Variants in ERLEC1 observed in about 807,000 individuals in gnomAD.
The protein encoded by ERLEC1 is ER lectin.
Under a neutral mutation model 68.0 loss-of-function variants are expected in ERLEC1, and 47 were observed. That is an observed-to-expected ratio of 0.69 (90% CI 0.55 to 0.88). The LOEUF (loss-of-function observed/expected upper bound fraction) is 0.88. Ranked by LOEUF, ERLEC1 falls within the 40% of genes least tolerant of loss-of-function variation. The pLI is 0.00. For synonymous variants in ERLEC1, 225 were observed against 203.2 expected (o/e 1.11, Z -0.91); for missense variants, 567 against 583.8 (o/e 0.97, Z 0.30).
Position 53,802,344 on chromosome 2 carries a change from G to T in ERLEC1, c.879+502G>T, listed in dbSNP as rs150477864. Among the ~76,000 whole-genome samples the T allele has an allele frequency of 9.7e-4, 147 of 152,060 alleles. 1 individual carries two copies. Among genetic ancestry groups the T allele is most frequent in the African/African-American group, 3.1e-3 (127 of 41,462 alleles). Reference sequence around the variant, plus strand: ...ACTGACCCTTTTCTTGCCTTCTCCTGTGTTCTACCCAATTGACCAATTAGA... The same window carrying T: ...ACTGACCCTTTTCTTGCCTTCTCCTTTGTTCTACCCAATTGACCAATTAGA... On this transcript the variant is annotated intron_variant, in intron 8 of 13. Coordinates refer to ENST00000185150, the MANE Select transcript of ERLEC1 (RefSeq NM_015701.5).
intron 2 of ERLEC1, among the ~76,000 whole-genome samples, chr2:53,795,694 T>A (rs1208166440): frequency 6.6e-6 from 1 of 152,192 alleles, no homozygotes; most frequent in Non-Finnish European, 1.5e-5. Flanking sequence ...AAAATACATT[T>A]TAAAAAAACC....
chr2:53,790,456 TTGTC>T (rs1360294543), intron 1 of ERLEC1, among the ~76,000 whole-genome samples: 2 of 152,128 alleles, frequency 1.3e-5, no homozygotes, highest in Non-Finnish European at 2.9e-5. Flanking sequence ...ATAAGGTCCT[TTGTC>T]TGTTTACTAA....
chr2:53,792,743 G>A (rs1051560645), intron 1 of ERLEC1, among the ~76,000 whole-genome samples: 1 of 152,152 alleles, frequency 6.6e-6, no homozygotes, highest in Non-Finnish European at 1.5e-5. Context: ...TTAGGCCAGG[G>A]CAGTGGCTCA....
chr2:53,800,806 GTATATT>G (rs1190911094), intron 6 of ERLEC1, among the ~76,000 whole-genome samples: 3 of 152,042 alleles, frequency 2.0e-5, no homozygotes, highest in African/African-American at 7.2e-5. Context: ...CTGGCCTTGA[GTATATT>G]TATATAGGAG....
intron 10 of ERLEC1, among the ~76,000 whole-genome samples, chr2:53,810,281 G>GCAA (rs902731975): frequency 6.6e-6 from 1 of 151,858 alleles, no homozygotes; most frequent in African/African-American, 2.4e-5. Flanking sequence ...AGCAGCCTGG[G>GCAA]CAACATAGCA....
intron 11 of ERLEC1, among the ~76,000 whole-genome samples, 160 bp from the exon 12 acceptor site, chr2:53,814,383 G>A (rs543031101): frequency 6.3e-4 from 96 of 152,198 alleles, no homozygotes; most frequent in Non-Finnish European, 4.4e-4. Context: ...GCCTCTGTGA[G>A]ATAACCCTAA....
Position 53,801,758 on chromosome 2 carries a change from A to G in ERLEC1, c.795A>G (p.Pro265=). The change falls in exon 8 of 14, where the codon CCA becomes CCG. Residue 265 remains proline, a synonymous_variant. Transcript: ENST00000185150. ...ATGACATATTTTGTCAATCACTGCC[A>G]GGATCTCCATTTAAGCCCCTCACCC... is the stretch of plus-strand genomic sequence containing the variant. ...PVNDIFCQSL[P]GSPFKPLTLR... 1 of 1,614,104 alleles carries G rather than the reference A, an allele frequency of 6.2e-7. No homozygotes were observed. The highest frequency in any genetic ancestry group is 8.5e-7 in the Non-Finnish European group (1 of 1,179,934).
intron 13 of ERLEC1, among the ~76,000 whole-genome samples, chr2:53,816,341 A>G (rs1180024994): frequency 6.9e-6 from 1 of 144,476 alleles, no homozygotes; most frequent in African/African-American, 2.6e-5. Context: ...ATCTCGGCTC[A>G]CTGCAACCTC....
chr2:53,811,317 TG>T (rs1267846277), intron 10 of ERLEC1, among the ~76,000 whole-genome samples: 1 of 152,268 alleles, frequency 6.6e-6, no homozygotes, highest in East Asian at 1.9e-4. Context: ...GGTATACTTT[TG>T]TAAGTATATT....
chr2:53,817,593 A>T (rs1676967291), intron 13 of ERLEC1, among the ~76,000 whole-genome samples: 1 of 151,914 alleles, frequency 6.6e-6, no homozygotes, highest in Admixed American at 6.6e-5. Context: ...ACACTTAATT[A>T]TTTTGCCATA....
At chr2:53,809,053 G>A (rs1251676380) in intron 9 of ERLEC1, among the ~76,000 whole-genome samples, 161 bp from the exon 10 acceptor site, 2 of 152,150 alleles carry the variant, frequency 1.3e-5, no homozygotes, top group Non-Finnish European at 2.9e-5. Context: ...CATATTCTCT[G>A]TATTTGTCTT....
chr2:53,805,906 G>T (rs944110967), intron 8 of ERLEC1, among the ~76,000 whole-genome samples: 2 of 152,150 alleles, frequency 1.3e-5, no homozygotes, highest in South Asian at 4.1e-4. Flanking sequence ...CAATGATGTT[G>T]ATACTTAGTA....
intron 11 of ERLEC1, 59 bp downstream of exon 11, chr2:53,813,132 T>A: frequency 6.4e-7 from 1 of 1,565,030 alleles, no homozygotes; most frequent in South Asian, 1.2e-5. Context: ...AAACTCAAAA[T>A]ATTGAAAAAC....
intron 8 of ERLEC1, among the ~76,000 whole-genome samples, chr2:53,805,664 A>G (rs1359696761): frequency 6.6e-6 from 1 of 152,250 alleles, no homozygotes. Flanking sequence ...GTATAGACCC[A>G]GCAGTGGGAT....
intron 11 of ERLEC1, among the ~76,000 whole-genome samples, chr2:53,813,500 C>G (rs998733654): frequency 1.3e-5 from 2 of 152,184 alleles, no homozygotes; most frequent in African/African-American, 4.8e-5. Context: ...GTGTTAGTAA[C>G]TGGCTCAATT....
In ERLEC1 at chr2:53,814,905, A is replaced by G; in HGVS notation, c.1350A>G (p.Leu450=). 5.0e-6 allele frequency: 8 copies of G among 1,606,174 alleles called. No individual in the cohort carries two copies. Among genetic ancestry groups the G allele is most frequent in the Non-Finnish European group, 6.8e-6 (8 of 1,174,770 alleles). ...DSPHAVTVYM[L]EPHSCQYILG... ...CTCATGCTGTTACTGTATATATGCT[A>G]GAGCCTCACTCCTGTCAATATATTC... The change falls in exon 13 of 14, where the codon CTA becomes CTG. Residue 450 remains leucine, a synonymous_variant. Coordinates refer to ENST00000185150, the MANE Select transcript of ERLEC1 (RefSeq NM_015701.5).
intron 8 of ERLEC1, among the ~76,000 whole-genome samples, chr2:53,802,269 C>T (rs1676046103): frequency 6.6e-6 from 1 of 152,142 alleles, no homozygotes; most frequent in South Asian, 2.1e-4. Context: ...TGGGCATAGC[C>T]ATATATACAT....
rs942741008 is a variant in ERLEC1, at chr2:53,787,277, G to A, written c.67G>A (p.Gly23Ser). 5.0e-6 allele frequency: 8 copies of A among 1,608,824 alleles called. No homozygotes were observed. In the Admixed American group the frequency reaches 6.7e-5, roughly 13 times the overall value. The change falls in exon 1 of 14, where the codon GGC becomes AGC. Residue 23 changes from glycine to serine, a missense_variant. By Grantham distance (56) the Gly-to-Ser change is moderately conservative. Coordinates refer to ENST00000185150, the MANE Select transcript of ERLEC1 (RefSeq NM_015701.5). ...CGGGCCGGTGTTACTGGTCCTCTGC[G>A]GCCTCCTGGAGGCGTCCGGCGGCGG... is the stretch of plus-strand genomic sequence containing the variant. ...PGGPVLLVLC[G>S]LLEASGGGRA...
chr2:53,818,453 A>T lies in ERLEC1; in HGVS notation c.*484A>T, dbSNP rs1224410811. On this transcript the variant is annotated 3_prime_UTR_variant, in exon 14 of 14. Transcript: ENST00000185150. ...AAATCCTTTCAACAGATTTTTATAT[A>T]GCAACTGCTCTCTGCAAGTAGTTAA... 1 of 152,624 alleles carries T rather than the reference A, an allele frequency of 6.6e-6. No homozygotes were observed. The highest frequency in any genetic ancestry group is 1.5e-5 in the Non-Finnish European group (1 of 68,326). The allele number at this position is 152,624 out of a possible 1,614,324, so 9.5% of individuals were successfully genotyped here.
Sources: gnomAD v4.1 joint callset for allele counts (sites outside exome capture counted in the v4.1 genomes callset) on GRCh38, gnomAD v4.1.1 for gene constraint, MANE v1.5 for transcripts, NCBI Gene and HGNC (gene_info 2026-07-23, HGNC 2026-07-21) for gene names.